RCL1: variants seen among roughly 807,000 people sequenced by gnomAD.
RCL1 encodes the protein RNA 3'-terminal phosphate cyclase-like protein.
A neutral mutation model predicts 42.4 loss-of-function variants in RCL1; 24 were observed. The observed-to-expected ratio is 0.57, with a 90% confidence interval of 0.41 to 0.80. RCL1 has a LOEUF of 0.80. Among genes scored for constraint, RCL1 ranks in the 30% least tolerant of loss-of-function variants. RCL1 has a pLI of 0.00. For missense variants in RCL1, 578 were observed against 467.9 expected (o/e 1.24, Z -2.17); for synonymous variants, 228 against 177.3 (o/e 1.29, Z -2.27).
At chr9:4,860,055 A>G in intron 8 of RCL1, 70 bp from the exon 9 acceptor site, 2 of 1,093,152 alleles carry the variant, frequency 1.8e-6, no homozygotes, top group Admixed American at 2.9e-5. Flanking sequence ...CTTGGATTCT[A>G]GGTGGTAGAG....
At chr9:4,815,773 C>T (rs1418209208) in intron 1 of RCL1, among the ~76,000 whole-genome samples, 3 of 152,062 alleles carry the variant, frequency 2.0e-5, no homozygotes, top group African/African-American at 7.2e-5. Flanking sequence ...AGCACAGCTA[C>T]GTATGTATAC....
intron 6 of RCL1, among the ~76,000 whole-genome samples, chr9:4,844,015 A>G (rs1817424845): frequency 6.6e-6 from 1 of 150,718 alleles, no homozygotes; most frequent in South Asian, 2.1e-4. Flanking sequence ...AGACAAGCAA[A>G]TTTTTTTTTT....
rs999792100 is a variant in RCL1, at chr9:4,834,183, G to T, written c.502G>T (p.Val168Phe). ...GCCTCCCGGAGGAGGAGGCGAAGTG[G>T]TTTTCTCATGTCCTGTGAGGAAGGT... Reference protein sequence around the residue: ...GMPPGGGGEVVFSCPVRKVLK... With the variant: ...GMPPGGGGEVFFSCPVRKVLK... Residue 168 changes from valine (V) to phenylalanine (F), a missense_variant, in exon 5 of 9, where the codon GTT (valine) becomes TTT (phenylalanine). Physicochemically the swap from Val to Phe is conservative, Grantham distance 50 (BLOSUM62 -1). Coordinates refer to ENST00000381750, the MANE Select transcript of RCL1 (RefSeq NM_005772.5). The T allele has an allele frequency of 1.1e-5, 18 of 1,613,614 alleles. No individual in the cohort carries two copies. Among genetic ancestry groups the T allele is most frequent in the Non-Finnish European group, 1.5e-5 (18 of 1,179,782 alleles).
intron 6 of RCL1, among the ~76,000 whole-genome samples, chr9:4,842,475 C>T (rs182707403): frequency 2.9e-4 from 44 of 152,252 alleles, no homozygotes; most frequent in African/African-American, 1.0e-3. Flanking sequence ...GGCGTCATAA[C>T]GCTGGGGTTG....
intron 4 of RCL1, 69 bp from the exon 5 acceptor site, chr9:4,834,072 T>C: frequency 1.3e-6 from 2 of 1,548,462 alleles, no homozygotes; most frequent in Non-Finnish European, 1.8e-6. Flanking sequence ...TAAACCTTCC[T>C]GGGCAGGGTG....
intron 1 of RCL1, among the ~76,000 whole-genome samples, chr9:4,807,039 G>T (rs1296809462): frequency 1.3e-5 from 2 of 152,180 alleles, no homozygotes; most frequent in African/African-American, 4.8e-5. Context: ...AGAGTTTACA[G>T]TGTTTCCTTA....
chr9:4,856,141 G>A (rs1048441281), intron 8 of RCL1, among the ~76,000 whole-genome samples: 14 of 152,200 alleles, frequency 9.2e-5, no homozygotes, highest in African/African-American at 3.1e-4. Context: ...CCAGGTTGCC[G>A]CCAGCTGGAA....
At chr9:4,818,385 T>G (rs1185235525) in intron 1 of RCL1, among the ~76,000 whole-genome samples, 1 of 152,260 alleles carries the variant, frequency 6.6e-6, no homozygotes, top group African/African-American at 2.4e-5. Context: ...TTAAAATATT[T>G]TTTATTTATC....
At chr9:4,859,623 G>A (rs974391155) in intron 8 of RCL1, among the ~76,000 whole-genome samples, 11 of 152,100 alleles carry the variant, frequency 7.2e-5, no homozygotes, top group African/African-American at 2.7e-4. Flanking sequence ...ATGTCATGGT[G>A]CTGTGAATCA....
intron 1 of RCL1, among the ~76,000 whole-genome samples, chr9:4,794,987 T>C (rs762796817): frequency 6.6e-6 from 1 of 152,228 alleles, no homozygotes; most frequent in African/African-American, 2.4e-5. Flanking sequence ...ACCCCGTTCA[T>C]ATACCAGGGG....
chr9:4,810,467 GCT>G (rs1816135185), intron 1 of RCL1, among the ~76,000 whole-genome samples: 1 of 152,054 alleles, frequency 6.6e-6, no homozygotes, highest in Non-Finnish European at 1.5e-5. Context: ...GGCCTCTTTA[GCT>G]CTGTTGTATT....
At position 4,834,191 on chromosome 9, in the gene RCL1, A is replaced by G; in HGVS notation, c.510A>G (p.Ser170=). 3 of 1,613,588 alleles carry G rather than the reference A, an allele frequency of 1.9e-6. No homozygotes were observed. The highest frequency in any genetic ancestry group is 2.5e-6 in the Non-Finnish European group (3 of 1,179,644). ...PPGGGGEVVF[S]CPVRKVLKPI... ...GAGGAGGAGGCGAAGTGGTTTTCTCATGTCCTGTGAGGAAGGTCTTGAAGC... is the reference window on the plus strand; with the variant it reads ...GAGGAGGAGGCGAAGTGGTTTTCTCGTGTCCTGTGAGGAAGGTCTTGAAGC... The change falls in exon 5 of 9, where the codon TCA becomes TCG. Residue 170 remains serine (S), a synonymous_variant. Transcript: ENST00000381750.
intron 1 of RCL1, among the ~76,000 whole-genome samples, chr9:4,819,731 C>T (rs1274642440): frequency 6.6e-6 from 1 of 152,146 alleles, no homozygotes; most frequent in African/African-American, 2.4e-5. Context: ...CGCTTGAACC[C>T]GGGAGGCGGA....
chr9:4,834,849 A>T (rs1312533677), intron 5 of RCL1, among the ~76,000 whole-genome samples: 1 of 152,234 alleles, frequency 6.6e-6, no homozygotes, highest in East Asian at 1.9e-4. Flanking sequence ...TTTTTTGCAG[A>T]TGGGGAAACT....
intron 1 of RCL1, among the ~76,000 whole-genome samples, chr9:4,817,469 A>ACCTTTTTTTTT: frequency 7.6e-6 from 1 of 131,098 alleles, no homozygotes; most frequent in Non-Finnish European, 1.7e-5. Flanking sequence ...TTTTTTTTTA[A>ACCTTTTTTTTT]TCTTTTTTTT....
intron 5 of RCL1, chr9:4,839,730 A>G (rs1267394905): frequency 1.0e-6 from 1 of 981,958 alleles, no homozygotes; most frequent in Admixed American, 6.2e-5. Flanking sequence ...TTTATTGAGC[A>G]TTTCTGAGTA....
chr9:4,813,340 G>GA (rs1174255738), intron 1 of RCL1, among the ~76,000 whole-genome samples: 3 of 151,976 alleles, frequency 2.0e-5, no homozygotes, highest in Non-Finnish European at 4.4e-5. Flanking sequence ...AAATTTACAA[G>GA]AAAAAAATCA....
chr9:4,840,557 A>G lies in RCL1; in HGVS notation c.585-675A>G, dbSNP rs528409214. On this transcript the variant is annotated intron_variant, in intron 5 of 8. Transcript: ENST00000381750. ...TTTCTTTTCTGGGGTGCCCTATTGT[A>G]GGAGTGCTAATTATCAATATTTTAA... Among the ~76,000 whole-genome samples the G allele has an allele frequency of 7.9e-5, 12 of 152,316 alleles. No individual in the cohort carries two copies. The East Asian group carries it at 1.2e-3, about 15-fold the overall frequency.
intron 2 of RCL1, among the ~76,000 whole-genome samples, chr9:4,825,249 C>A (rs1277115122): frequency 1.3e-5 from 2 of 152,180 alleles, no homozygotes; most frequent in Admixed American, 6.5e-5. Context: ...CATGATTCTG[C>A]TCCCACTACA....
Sources: allele counts gnomAD v4.1 joint callset (sites outside exome capture counted in the v4.1 genomes callset), GRCh38; gene constraint gnomAD v4.1.1; transcripts MANE v1.5; gene names NCBI Gene and HGNC (gene_info 2026-07-23, HGNC 2026-07-21).